Variants in TENM2 observed in about 807,000 individuals in gnomAD.
TENM2 encodes teneurin-2.
In TENM2, 52 loss-of-function variants were observed where a neutral mutation model predicts 245.2. The ratio of observed to expected loss-of-function variants is 0.21; its 90% confidence interval spans 0.17 to 0.27. The LOEUF is 0.27. TENM2 is among the 10% of genes least tolerant of loss of function. TENM2 has a pLI of 1.00. For synonymous variants in TENM2, 1,363 were observed against 1,438.9 expected, an observed-to-expected ratio of 0.95 and a Z score of 1.19; for missense variants, 3,046 against 3,666.8, an observed-to-expected ratio of 0.83 and a Z score of 4.37.
chr5:168,259,536 T>G (rs531119327), intron 27 of TENM2, among the ~76,000 whole-genome samples: 2 of 152,150 alleles, frequency 1.3e-5, no homozygotes, highest in Admixed American at 1.3e-4. Flanking sequence ...TGCAGTGAGC[T>G]GAGATTGCGC....
At chr5:168,228,281 T>TAATA (rs946286593) in intron 25 of TENM2, among the ~76,000 whole-genome samples, 151 bp downstream of exon 27, 7 of 125,870 alleles carry the variant, frequency 5.6e-5, no homozygotes, top group Non-Finnish European at 7.8e-5. Context: ...TCAAAGCCTC[T>TAATA]AATACCCCTT....
chr5:167,052,075 T>C, the TENM2 span, among the ~76,000 whole-genome samples: 3 of 152,168 alleles, frequency 2.0e-5, no homozygotes, highest in African/African-American at 4.8e-5. Flanking sequence ...ATGTCCTCTC[T>C]ATATAATGAC....
At chr5:167,307,687 G>A (rs1755759492) in intron 1 of TENM2, among the ~76,000 whole-genome samples, 1 of 152,148 alleles carries the variant, frequency 6.6e-6, no homozygotes, top group Non-Finnish European at 1.5e-5. Context: ...TGCTGGTGAG[G>A]TCCATTGTTC....
intron 2 of TENM2, among the ~76,000 whole-genome samples, chr5:167,696,091 AT>A (rs1561680974): frequency 6.6e-6 from 1 of 152,142 alleles, no homozygotes; most frequent in Non-Finnish European, 1.5e-5. Flanking sequence ...AAACAAAAAT[AT>A]TAAGTAAAGA....
chr5:167,920,289 C>T (rs1777253149), intron 3 of TENM2, among the ~76,000 whole-genome samples: 1 of 147,736 alleles, frequency 6.8e-6, no homozygotes, highest in Non-Finnish European at 1.5e-5. Flanking sequence ...GTCAGGAGTT[C>T]TCGACCAGCC....
the TENM2 span, among the ~76,000 whole-genome samples, chr5:167,080,367 G>A: frequency 3.9e-5 from 6 of 152,076 alleles, no homozygotes; most frequent in African/African-American, 1.2e-4. Flanking sequence ...ACCTAAAAAG[G>A]CTTACAACTT....
At chr5:167,490,122 A>C (rs1768332713) in intron 2 of TENM2, among the ~76,000 whole-genome samples, 1 of 152,186 alleles carries the variant, frequency 6.6e-6, no homozygotes, top group African/African-American at 2.4e-5. Context: ...TTCCCAAATT[A>C]ACCTCTGGAG....
rs373432358 is a variant in TENM2, at chr5:167,465,832, A to AG, written c.502+90359_502+90360insG. On this transcript the variant is annotated intron_variant, in intron 2 of 28. Transcript: ENST00000518659. ...GGTGACAGAGTGAGACTGTCTCAAA[A>AG]AAAGAAAGAAAGAAAGAAAGAAACA... Among the ~76,000 whole-genome samples, 1,075 of 151,668 alleles carry AG rather than the reference A, an allele frequency of 7.1e-3. 8 individuals are homozygous for AG. The highest frequency in any genetic ancestry group is 0.048 in the Middle Eastern group (14 of 292).
At position 168,234,455 on chromosome 5, in the gene TENM2, G is replaced by A. The variant is rs183781649; in HGVS notation, c.5520+6325G>A. On this transcript the variant is annotated intron_variant, in intron 25 of 28. Coordinates refer to ENST00000518659, the Ensembl canonical transcript of TENM2. ...GGAAGCCCTAGAAAAAAGAGGTGCC[G>A]TACCCAAAAAAGAAAGAAAGAGATA... Among the ~76,000 whole-genome samples the A allele has an allele frequency of 9.2e-5, 14 of 151,918 alleles. No individual in the cohort carries two copies. The South Asian group carries it at 1.0e-3, about 11-fold the overall frequency.
At chr5:167,420,523 T>C (rs1763442802) in intron 2 of TENM2, among the ~76,000 whole-genome samples, 1 of 152,162 alleles carries the variant, frequency 6.6e-6, no homozygotes, top group Admixed American at 6.5e-5. Flanking sequence ...CATGCGGTCT[T>C]TGAATAAGCC....
At chr5:167,301,633 A>G (rs1755332590) in intron 1 of TENM2, among the ~76,000 whole-genome samples, 1 of 152,196 alleles carries the variant, frequency 6.6e-6, no homozygotes, top group Non-Finnish European at 1.5e-5. Flanking sequence ...TATATTGAGC[A>G]TAAGACGGCC....
the TENM2 span, among the ~76,000 whole-genome samples, chr5:167,146,843 G>T: frequency 2.0e-5 from 3 of 151,786 alleles, no homozygotes; most frequent in African/African-American, 7.3e-5. Flanking sequence ...TTTCTTGGGG[G>T]AATATATGTC....
At chr5:168,102,162 C>T (rs1186212394) in intron 9 of TENM2, among the ~76,000 whole-genome samples, 3 of 152,118 alleles carry the variant, frequency 2.0e-5, no homozygotes, top group Non-Finnish European at 4.4e-5. Context: ...CAACCTCCGC[C>T]TCCTGGGTTC....
chr5:167,833,573 C>A (rs572503061), intron 2 of TENM2, among the ~76,000 whole-genome samples: 1 of 152,206 alleles, frequency 6.6e-6, no homozygotes, highest in Non-Finnish European at 1.5e-5. Context: ...TTGACCCGAA[C>A]CTTATCGCAG....
At position 167,992,886 on chromosome 5, in the gene TENM2, C is replaced by A. The variant is rs79382897; in HGVS notation, c.948-58C>A. 314 of 1,363,926 alleles carry A rather than the reference C, an allele frequency of 2.3e-4. 1 individual carries two copies. In the African/African-American group the frequency reaches 4.1e-3, roughly 18 times the overall value. The allele number at this position is 1,363,926 out of a possible 1,614,324, so 84.5% of individuals were successfully genotyped here. A position where few individuals can be genotyped will look rare whatever the true frequency, so the allele number is the denominator to read the frequency against. ...ATAGAGCAGAGTGGAAGAAAAATAGCTAAATGTTGCTCCTTGGCTACCCAT... is the reference window on the plus strand; with the variant it reads ...ATAGAGCAGAGTGGAAGAAAAATAGATAAATGTTGCTCCTTGGCTACCCAT... On this transcript the variant is annotated intron_variant, in intron 4 of 28. Coordinates refer to ENST00000518659, the Ensembl canonical transcript of TENM2.
Position 167,398,566 on chromosome 5 carries a change from A to G in TENM2, c.502+23093A>G, listed in dbSNP as rs1762201175. Among the ~76,000 whole-genome samples, 3 of 151,542 alleles carry G rather than the reference A, an allele frequency of 2.0e-5. No individual in the cohort carries two copies. In the South Asian group the frequency reaches 6.2e-4, roughly 32 times the overall value. ...CCTGCCTCAGCCTCCCGAGCAGCTGAGATGCTGAGATTACAGGCATGCACC... is the reference window on the plus strand; with the variant it reads ...CCTGCCTCAGCCTCCCGAGCAGCTGGGATGCTGAGATTACAGGCATGCACC... On this transcript the variant is annotated intron_variant, in intron 2 of 28. Transcript: ENST00000518659.
intron 6 of TENM2, among the ~76,000 whole-genome samples, chr5:168,050,392 A>G (rs1181711598): frequency 6.6e-6 from 1 of 152,186 alleles, no homozygotes; most frequent in Non-Finnish European, 1.5e-5. Flanking sequence ...CATTTAGATA[A>G]CCTGAATCAA....
At chr5:168,138,178 AG>A (rs974141270) in intron 12 of TENM2, among the ~76,000 whole-genome samples, 1 of 152,220 alleles carries the variant, frequency 6.6e-6, no homozygotes, top group Non-Finnish European at 1.5e-5. Flanking sequence ...GGGATCAAAC[AG>A]GACTGCCTTC....
intron 5 of TENM2, among the ~76,000 whole-genome samples, chr5:168,008,040 T>C (rs1581040102): frequency 1.3e-5 from 2 of 152,342 alleles, no homozygotes; most frequent in South Asian, 4.1e-4. Context: ...GTGTATTCAT[T>C]CAAGAGAAAC....
Sources: gnomAD v4.1 joint callset for allele counts (sites outside exome capture counted in the v4.1 genomes callset) on GRCh38, gnomAD v4.1.1 for gene constraint, MANE v1.5 for transcripts, NCBI Gene and HGNC (gene_info 2026-07-23, HGNC 2026-07-21) for gene names.